XRCC6: variants seen among roughly 807,000 people sequenced by gnomAD.
XRCC6 encodes the protein DNA repair protein Ku70.
In XRCC6, 5 loss-of-function variants were observed where a neutral mutation model predicts 65.7. That is an observed-to-expected ratio of 0.08 (90% confidence interval 0.04 to 0.16). The LOEUF (loss-of-function observed/expected upper bound fraction) is 0.16, where lower values mean the gene tolerates loss of function less well. XRCC6 is among the 10% of genes least tolerant of loss of function. The pLI, the probability that XRCC6 is intolerant of heterozygous loss-of-function variation, is 1.00. For synonymous variants in XRCC6, 270 were observed against 270.6 expected, an observed-to-expected ratio of 1.00 and a Z score of 0.02; for missense variants, 447 against 738.1, an observed-to-expected ratio of 0.61 and a Z score of 4.57.
intron 9 of XRCC6, 102 bp downstream of exon 9, chr22:41,653,792 T>C (rs2068022058): frequency 1.4e-6 from 2 of 1,396,354 alleles, no homozygotes; most frequent in Non-Finnish European, 1.9e-6. Flanking sequence ...TCTCTGGGAA[T>C]GGGGCTTAAA....
intron 9 of XRCC6, among the ~76,000 whole-genome samples, chr22:41,655,781 C>T (rs569299652): frequency 2.0e-5 from 3 of 151,258 alleles, no homozygotes; most frequent in African/African-American, 7.3e-5. Flanking sequence ...CCAGGCTGGT[C>T]TCGAACTCCT....
chr22:41,633,474 TCA>T (rs1366728280), intron 3 of XRCC6, among the ~76,000 whole-genome samples: 6 of 152,010 alleles, frequency 3.9e-5, no homozygotes, highest in African/African-American at 2.4e-5. Flanking sequence ...CCTCCTGGGT[TCA>T]CACCATTCTC....
In XRCC6 at chr22:41,650,578, G is replaced by A. The variant is rs1192860923; in HGVS notation, c.961-145G>A. ...GTCACTCAATAAATGTTAATTCCCT[G>A]TTGGAGAAGGAGGATGCCCCAGGTG... On this transcript the variant is annotated intron_variant, in intron 7 of 12. Transcript: ENST00000360079. 4.1e-6 allele frequency: 3 copies of A among 734,148 alleles called. No individual in the cohort carries two copies. In the East Asian group the frequency reaches 8.0e-5, roughly 20 times the overall value. 45.5% of individuals were successfully genotyped at this position (734,148 alleles called of 1,614,324 possible).
Position 41,636,866 on chromosome 22 carries a change from G to C in XRCC6, c.589+96G>C, listed in dbSNP as rs976305135. 79 of 1,461,684 alleles carry C rather than the reference G, an allele frequency of 5.4e-5. 1 individual carries two copies. The highest frequency in any genetic ancestry group is 7.0e-5 in the Non-Finnish European group (77 of 1,102,842). The allele number at this position is 1,461,684 out of a possible 1,614,324, so 90.5% of individuals were successfully genotyped here. On this transcript the variant is annotated intron_variant, in intron 5 of 12. Coordinates refer to ENST00000360079, the MANE Select transcript of XRCC6 (RefSeq NM_001469.5). Reference sequence around the variant, plus strand: ...GTTCAGGAGTCTTGGCTCAGCCTCAGCCTCCCAAGTAGCTGGGACTATAAG... The same window carrying C: ...GTTCAGGAGTCTTGGCTCAGCCTCACCCTCCCAAGTAGCTGGGACTATAAG...
chr22:41,621,824 G>A (rs1195125434), intron 1 of XRCC6, 166 bp from the exon 2 acceptor site: 1 of 614,076 alleles, frequency 1.6e-6, no homozygotes, highest in East Asian at 2.9e-5. Context: ...TGGCCCCCAT[G>A]CGCATTTACA....
In XRCC6 at chr22:41,638,330, A is replaced by G. The variant is rs28384732; in HGVS notation, c.773+539A>G. 1.3e-4 allele frequency among the ~76,000 whole-genome samples: 20 copies of G among 152,276 alleles called. No individual in the cohort carries two copies. In the South Asian group the frequency reaches 3.9e-3, roughly 30 times the overall value. On this transcript the variant is annotated intron_variant, in intron 6 of 12. Transcript: ENST00000360079. Reference sequence around the variant, plus strand: ...TGTGCAAACATAGAGGGTACTTCACACACCCAGAGAGTACAGCTTGACTAC... The same window carrying G: ...TGTGCAAACATAGAGGGTACTTCACGCACCCAGAGAGTACAGCTTGACTAC...
chr22:41,637,595 A>C lies in XRCC6; in HGVS notation c.590-13A>C. ...GTTTTTTCCTCCCTCACTTTTGTTT[A>C]CCCTTGCAACAGGCATCTTCCTTGA... On this transcript the variant is annotated splice_polypyrimidine_tract_variant and intron_variant, in intron 5 of 12. Transcript: ENST00000360079. 1 of 1,544,478 alleles carries C rather than the reference A, an allele frequency of 6.5e-7. No individual in the cohort carries two copies. The highest frequency in any genetic ancestry group is 8.7e-7 in the Non-Finnish European group (1 of 1,145,168).
chr22:41,621,524 G>C (rs1353741669), intron 1 of XRCC6, 179 bp downstream of exon 1: 1 of 167,488 alleles, frequency 6.0e-6, no homozygotes, highest in Non-Finnish European at 1.3e-5. Flanking sequence ...GGAAGGAGGC[G>C]GCACCTCGCG....
intron 2 of XRCC6, among the ~76,000 whole-genome samples, chr22:41,625,121 C>T (rs2067655560): frequency 6.6e-6 from 1 of 152,090 alleles, no homozygotes; most frequent in South Asian, 2.1e-4. Flanking sequence ...GCCTGGCCAA[C>T]ATGGTGAGAT....
intron 1 of XRCC6, 156 bp from the exon 2 acceptor site, chr22:41,621,834 A>G (rs2067609952): frequency 1.5e-6 from 1 of 648,820 alleles, no homozygotes; most frequent in East Asian, 2.8e-5. Flanking sequence ...GCGCATTTAC[A>G]TGCAGTCCGA....
chr22:41,646,891 C>T lies in XRCC6; in HGVS notation c.774-5C>T, dbSNP rs766848201. 1 of 1,587,040 alleles carries T rather than the reference C, an allele frequency of 6.3e-7. No homozygotes were observed. The highest frequency in any genetic ancestry group is 1.1e-5 in the South Asian group (1 of 88,146). ...TTCATGCTCTTTCATTTTTTACTCC[C>T]TCAGGTTAAAGCTGAAGCTCAACAA... On this transcript the variant is annotated splice_region_variant and splice_polypyrimidine_tract_variant and intron_variant, in intron 6 of 12. Transcript: ENST00000360079.
At chr22:41,623,320 C>T (rs920338008) in intron 2 of XRCC6, among the ~76,000 whole-genome samples, 2 of 152,082 alleles carry the variant, frequency 1.3e-5, no homozygotes, top group African/African-American at 4.8e-5. Flanking sequence ...CAAGCGATAC[C>T]CCCAAGCCTT....
At chr22:41,652,008 T>G (rs990240156) in intron 8 of XRCC6, among the ~76,000 whole-genome samples, 2 of 152,122 alleles carry the variant, frequency 1.3e-5, no homozygotes, top group Non-Finnish European at 2.9e-5. Context: ...TGTCTCGAAC[T>G]CCTGACCTTA....
At chr22:41,646,748 T>G in intron 6 of XRCC6, 148 bp from the exon 7 acceptor site, 1 of 648,584 alleles carries the variant, frequency 1.5e-6, no homozygotes, top group South Asian at 2.7e-5. Flanking sequence ...CAAATTCGAT[T>G]GTATTATTAA....
chr22:41,634,668 C>G (rs1466433269), intron 3 of XRCC6, among the ~76,000 whole-genome samples: 1 of 152,090 alleles, frequency 6.6e-6, no homozygotes, highest in Non-Finnish European at 1.5e-5. Context: ...CCTCAACCTC[C>G]TGAGTAGCTA....
Position 41,647,513 on chromosome 22 carries a change from A to AGAGGTTGCGGTGAGCC in XRCC6, c.960+435_960+450dup, listed in dbSNP as rs1241361418. ...GGAGAATCACTTGAACCCGGGAGGC[A>AGAGGTTGCGGTGAGCC]GAGGTTGCGGTGAGCCGAGATCACG... On this transcript the variant is annotated intron_variant, in intron 7 of 12. Transcript: ENST00000360079. 1.9e-3 allele frequency among the ~76,000 whole-genome samples: 281 copies of AGAGGTTGCGGTGAGCC among 150,486 alleles called. 1 individual carries two copies. Among genetic ancestry groups the AGAGGTTGCGGTGAGCC allele is most frequent in the African/African-American group, 6.5e-3 (267 of 40,938 alleles).
chr22:41,636,782 T>C lies in XRCC6; in HGVS notation c.589+12T>C. 1.2e-6 allele frequency: 2 copies of C among 1,605,142 alleles called. No individual in the cohort carries two copies. Among genetic ancestry groups the C allele is most frequent in the Admixed American group, 3.5e-5 (2 of 57,450 alleles). ...TCTCCGAGATACAGGTGGGCATATT[T>C]CCCCGTTCTCTTAAATTGGCACTTA... On this transcript the variant is annotated intron_variant, in intron 5 of 12. Coordinates refer to ENST00000360079, the MANE Select transcript of XRCC6 (RefSeq NM_001469.5).
At chr22:41,648,936 A>G (rs2147102290) in intron 7 of XRCC6, among the ~76,000 whole-genome samples, 1 of 151,830 alleles carries the variant, frequency 6.6e-6, no homozygotes, top group African/African-American at 2.4e-5. Context: ...CTAAGCTGTT[A>G]TTAGTCACAT....
intron 3 of XRCC6, among the ~76,000 whole-genome samples, chr22:41,633,229 C>T (rs541358076): frequency 6.6e-6 from 1 of 152,264 alleles, no homozygotes; most frequent in Admixed American, 6.5e-5. Context: ...GACATTAAAA[C>T]ACAGACTACA....
Sources: allele counts gnomAD v4.1 joint callset (sites outside exome capture counted in the v4.1 genomes callset), GRCh38; gene constraint gnomAD v4.1.1; transcripts MANE v1.5; gene names NCBI Gene and HGNC (gene_info 2026-07-23, HGNC 2026-07-21).